Variants in CYP2B6 observed in about 807,000 individuals in gnomAD.
The protein encoded by CYP2B6 is cytochrome P450 family 2 subfamily B member 6.
A neutral mutation model predicts 43.4 loss-of-function variants in CYP2B6; 35 were observed. The ratio of observed to expected loss-of-function variants is 0.81; its 90% CI spans 0.62 to 1.07. The LOEUF is 1.07. Among genes scored for constraint, CYP2B6 ranks in the 50% least tolerant of loss-of-function variants. The pLI is 0.00. For missense variants in CYP2B6, 624 were observed against 632.8 expected, an observed-to-expected ratio of 0.99 and a Z score of 0.15; for synonymous variants, 239 against 239.2, an observed-to-expected ratio of 1.00 and a Z score of 0.01.
rs565104467 is a variant in CYP2B6 at position 41,012,349 on chromosome 19, A to C, written c.1016A>C (p.Glu339Ala). The C allele has an allele frequency of 2.4e-4, 392 of 1,613,950 alleles. No individual in the cohort carries two copies. The African/African-American group carries it at 4.3e-3, about 18-fold the overall frequency. ...GTGATTGGCCCACATCGCCCTCCAG[A>C]GCTTCATGACCGAGCCAAAATGCCA... is the stretch of plus-strand genomic sequence containing the variant. ...EQVIGPHRPPELHDRAKMPYT... is the reference protein window; with the variant it reads ...EQVIGPHRPPALHDRAKMPYT... The change falls in exon 7 of 9, where the codon GAG (glutamate) becomes GCG (alanine). Residue 339 changes from glutamate (E) to alanine (A), a missense_variant. By Grantham distance (107) the Glu-to-Ala change is moderately radical. Coordinates refer to ENST00000324071, the MANE Select transcript of CYP2B6 (RefSeq NM_000767.5).
rs535123118 is a variant in CYP2B6 at position 41,009,563 on chromosome 19, G to C, written c.822+168G>C. 9 of 767,470 alleles carry C rather than the reference G, an allele frequency of 1.2e-5. No homozygotes were observed. In the African/African-American group the frequency reaches 1.4e-4, roughly 12 times the overall value. 47.5% of individuals were successfully genotyped at this position (767,470 alleles called of 1,614,324 possible). On this transcript the variant is annotated intron_variant, in intron 5 of 8. Coordinates refer to ENST00000324071, the MANE Select transcript of CYP2B6 (RefSeq NM_000767.5). Reference sequence around the variant, plus strand: ...GAGAGAACATGAGGAAGGAAAGAAAGATGAGGTGAAAGGAGGGAGAAAATA... The same window carrying C: ...GAGAGAACATGAGGAAGGAAAGAAACATGAGGTGAAAGGAGGGAGAAAATA...
chr19:41,004,162 T>C lies in CYP2B6; in HGVS notation c.333T>C (p.Tyr111=). The C allele has an allele frequency of 8.3e-7, 1 of 1,210,590 alleles. No homozygotes were observed. The highest frequency in any genetic ancestry group is 1.1e-6 in the Non-Finnish European group (1 of 911,986). 75.0% of individuals were successfully genotyped at this position (1,210,590 alleles called of 1,614,324 possible). A position where few individuals can be genotyped will look rare whatever the true frequency, so the allele number is the denominator to read the frequency against. Residue 111 remains tyrosine, a splice_region_variant and synonymous_variant, in exon 2 of 9, where the codon TAT becomes TAC. Coordinates refer to ENST00000324071, the MANE Select transcript of CYP2B6 (RefSeq NM_000767.5). ...TGGTCGACCCATTCTTCCGGGGATA[T>C]GGTGAGAGCCTCAGAGGCACTGGGA... ...IAMVDPFFRG[Y]GVIFANGNRW...
intron 8 of CYP2B6, among the ~76,000 whole-genome samples, chr19:41,015,164 G>C (rs1969342543): frequency 6.6e-6 from 1 of 152,168 alleles, no homozygotes; most frequent in African/African-American, 2.4e-5. Context: ...GGGGCAGAAA[G>C]AAAGGTATAA....
chr19:41,017,918 A>G lies in CYP2B6; in HGVS notation c.*1091A>G, dbSNP rs1385335749. The G allele has an allele frequency of 2.7e-5, 4 of 150,134 alleles. No homozygotes were observed. Among genetic ancestry groups the G allele is most frequent in the African/African-American group, 9.9e-5 (4 of 40,576 alleles). The allele number at this position is 150,134 out of a possible 1,614,324, so 9.3% of individuals were successfully genotyped here. A position where few individuals can be genotyped will look rare whatever the true frequency, so the allele number is the denominator to read the frequency against. On this transcript the variant is annotated 3_prime_UTR_variant, in exon 9 of 9. Coordinates refer to ENST00000324071, the MANE Select transcript of CYP2B6 (RefSeq NM_000767.5). Reference sequence around the variant, plus strand: ...TCCCAGGCTGGAGTGCTATGGTGCAATTTTTGTTCACTGCAACCTCTGCCT... The same window carrying G: ...TCCCAGGCTGGAGTGCTATGGTGCAGTTTTTGTTCACTGCAACCTCTGCCT...
chr19:40,994,664 T>C (rs1023035000), intron 1 of CYP2B6, among the ~76,000 whole-genome samples: 18 of 152,154 alleles, frequency 1.2e-4, no homozygotes, highest in Non-Finnish European at 2.1e-4. Context: ...ACACACGCAA[T>C]TGCCCACACC....
intron 1 of CYP2B6, among the ~76,000 whole-genome samples, chr19:41,003,346 G>C (rs1029081008): frequency 7.2e-5 from 11 of 152,040 alleles, no homozygotes; most frequent in African/African-American, 2.4e-4. Context: ...GTGCAGACAT[G>C]GTGGACAAAG....
chr19:41,001,782 T>G (rs115155355), intron 1 of CYP2B6, among the ~76,000 whole-genome samples: 1 of 152,288 alleles, frequency 6.6e-6, no homozygotes, highest in African/African-American at 2.4e-5. Context: ...ACGAGGTCAC[T>G]GCGCTTATGG....
chr19:41,011,031 A>C (rs1969275681), intron 6 of CYP2B6, among the ~76,000 whole-genome samples: 1 of 138,704 alleles, frequency 7.2e-6, no homozygotes. Flanking sequence ...ATATACTGTC[A>C]TTCATTTATT....
chr19:41,011,818 T>C (rs537859316), intron 6 of CYP2B6, among the ~76,000 whole-genome samples: 3 of 152,180 alleles, frequency 2.0e-5, no homozygotes, highest in Non-Finnish European at 4.4e-5. Context: ...GTGAGAATTC[T>C]TGTTGCTTCC....
Position 41,004,459 on chromosome 19 carries a change from G to T in CYP2B6, c.484+13G>T. 6.2e-7 allele frequency: 1 copy of T among 1,612,882 alleles called. No individual in the cohort carries two copies. Among genetic ancestry groups the T allele is most frequent in the Non-Finnish European group, 8.5e-7 (1 of 1,179,610 alleles). Reference sequence around the variant, plus strand: ...CGGAAATCCAAGGGTGAGTCCTGGGGGATGAATAGGAAAGAAAGACAATGA... The same window carrying T: ...CGGAAATCCAAGGGTGAGTCCTGGGTGATGAATAGGAAAGAAAGACAATGA... On this transcript the variant is annotated intron_variant, in intron 3 of 8. Coordinates refer to ENST00000324071, the MANE Select transcript of CYP2B6 (RefSeq NM_000767.5).
At chr19:40,991,549 A>C (rs1395037042) in intron 1 of CYP2B6, 73 bp downstream of exon 1, 5 of 1,543,878 alleles carry the variant, frequency 3.2e-6, no homozygotes, top group African/African-American at 2.7e-5. Flanking sequence ...TTCACCAAAC[A>C]GAATGAGGCA....
At chr19:40,995,488 A>C (rs1968986781) in intron 1 of CYP2B6, among the ~76,000 whole-genome samples, 1 of 152,166 alleles carries the variant, frequency 6.6e-6, no homozygotes, top group African/African-American at 2.4e-5. Context: ...TCATTTCCAA[A>C]GGGCCCAACC....
At chr19:40,993,426 TGAA>T (rs1409243087) in intron 1 of CYP2B6, among the ~76,000 whole-genome samples, 1 of 152,002 alleles carries the variant, frequency 6.6e-6, no homozygotes, top group Non-Finnish European at 1.5e-5. Context: ...TGATGGAAGG[TGAA>T]GGAGAAGCAA....
At chr19:41,016,280 C>T (rs1424805327) in intron 8 of CYP2B6, among the ~76,000 whole-genome samples, 1 of 151,608 alleles carries the variant, frequency 6.6e-6, no homozygotes, top group East Asian at 1.9e-4. Flanking sequence ...GCCTGTAATC[C>T]CAGCTACTTG....
chr19:41,011,627 T>C (rs1568562773), intron 6 of CYP2B6, among the ~76,000 whole-genome samples: 1 of 152,240 alleles, frequency 6.6e-6, no homozygotes, highest in Non-Finnish European at 1.5e-5. Context: ...CTCAACTATA[T>C]TATAAACACA....
At chr19:41,004,261 C>A in intron 2 of CYP2B6, 36 bp from the exon 3 acceptor site, 4 of 1,613,820 alleles carry the variant, frequency 2.5e-6, no homozygotes, top group Non-Finnish European at 3.4e-6. Context: ...CTTCCAACTT[C>A]TTCTACAACC....
chr19:41,014,472 T>A (rs544454262), intron 8 of CYP2B6, among the ~76,000 whole-genome samples: 151 of 150,828 alleles, frequency 1.0e-3, no homozygotes, highest in African/African-American at 3.6e-3. Context: ...TGCCTGGCTA[T>A]TTTTTTTTAT....
intron 1 of CYP2B6, among the ~76,000 whole-genome samples, chr19:41,003,087 C>T (rs1334446596): frequency 6.6e-6 from 1 of 152,016 alleles, no homozygotes; most frequent in East Asian, 1.9e-4. Context: ...TTGGTGAACA[C>T]ACATACACAT....
At chr19:41,007,210 G>A (rs1348805402) in intron 4 of CYP2B6, 145 bp downstream of exon 4, 3 of 799,674 alleles carry the variant, frequency 3.8e-6, no homozygotes, top group Non-Finnish European at 6.3e-6. Flanking sequence ...GGGACATGGA[G>A]ACCTGGAGGG....
Sources: allele counts gnomAD v4.1 joint callset (sites outside exome capture counted in the v4.1 genomes callset), GRCh38; gene constraint gnomAD v4.1.1; transcripts MANE v1.5; gene names NCBI Gene and HGNC (gene_info 2026-07-23, HGNC 2026-07-21).